Variants in CSMD1 observed in about 807,000 individuals in gnomAD.
The protein encoded by CSMD1 is CUB and sushi domain-containing protein 1.
A neutral mutation model predicts 417.5 loss-of-function variants in CSMD1; 213 were observed. The observed-to-expected ratio is 0.51, with a 90% CI of 0.46 to 0.57. The LOEUF (loss-of-function observed/expected upper bound fraction) is 0.57. CSMD1 is among the 20% of genes least tolerant of loss of function. The probability of loss-of-function intolerance (pLI) is 0.00; values close to 1 mark genes in which losing one functional copy is unlikely to be tolerated. For synonymous variants in CSMD1, 2,862 were observed against 1,736.8 expected, an observed-to-expected ratio of 1.65 and a Z score of -16.11; for missense variants, 6,923 against 4,529.7, an observed-to-expected ratio of 1.53 and a Z score of -15.17.
intron 1 of CSMD1, among the ~76,000 whole-genome samples, chr8:4,841,205 G>A (rs1047601902): frequency 1.3e-5 from 2 of 152,218 alleles, no homozygotes; most frequent in East Asian, 1.9e-4. Context: ...TATACATTAT[G>A]TTGATATATC....
At chr8:3,527,220 A>G (rs748178403) in intron 10 of CSMD1, among the ~76,000 whole-genome samples, 11 of 152,178 alleles carry the variant, frequency 7.2e-5, no homozygotes, top group Admixed American at 2.0e-4. Flanking sequence ...CACTACTCAG[A>G]ACCAAATGTT....
chr8:3,450,965 C>T (rs540770619), intron 12 of CSMD1, among the ~76,000 whole-genome samples: 146 of 152,262 alleles, frequency 9.6e-4, no homozygotes, highest in African/African-American at 3.4e-3. Flanking sequence ...ACCACATCCT[C>T]TCCAGCACCT....
At chr8:4,273,681 C>T (rs1397593665) in intron 3 of CSMD1, among the ~76,000 whole-genome samples, 1 of 152,014 alleles carries the variant, frequency 6.6e-6, no homozygotes, top group African/African-American at 2.4e-5. Context: ...AGTTTATAAC[C>T]TGGATATGGT....
chr8:3,288,079 G>A (rs1165337205), intron 25 of CSMD1, among the ~76,000 whole-genome samples: 2 of 147,240 alleles, frequency 1.4e-5, no homozygotes, highest in South Asian at 2.1e-4. Flanking sequence ...TTTTGTCTTT[G>A]GTTCTGTTTA....
At chr8:3,838,482 C>T (rs1288934936) in intron 5 of CSMD1, among the ~76,000 whole-genome samples, 1 of 132,660 alleles carries the variant, frequency 7.5e-6, no homozygotes, top group Non-Finnish European at 1.6e-5. Context: ...TTATATATAG[C>T]CTATAGATAT....
chr8:3,391,733 G>A (rs544403371), intron 17 of CSMD1, among the ~76,000 whole-genome samples: 16 of 152,254 alleles, frequency 1.1e-4, no homozygotes, highest in African/African-American at 3.1e-4. Context: ...TTGTAGCACC[G>A]CTGCAAATAT....
intron 2 of CSMD1, among the ~76,000 whole-genome samples, chr8:4,463,115 G>C (rs1377162175): frequency 2.0e-5 from 3 of 152,132 alleles, no homozygotes; most frequent in Non-Finnish European, 4.4e-5. Flanking sequence ...AAATTACCAA[G>C]TATGGGCACA....
chr8:3,752,734 G>C (rs1226813114), intron 6 of CSMD1, among the ~76,000 whole-genome samples: 1 of 148,432 alleles, frequency 6.7e-6, no homozygotes, highest in African/African-American at 2.5e-5. Flanking sequence ...TTTGCCCCTG[G>C]ATTCTGAGGC....
chr8:4,105,155 A>G (rs1485088634), intron 3 of CSMD1, among the ~76,000 whole-genome samples: 1 of 152,198 alleles, frequency 6.6e-6, no homozygotes, highest in Admixed American at 6.5e-5. Flanking sequence ...GTACAACTGA[A>G]AATTAGATAT....
chr8:3,818,806 C>A (rs115593160), intron 5 of CSMD1, among the ~76,000 whole-genome samples: 2 of 152,176 alleles, frequency 1.3e-5, no homozygotes. Context: ...GTCCCTCTTT[C>A]CCTTTGAGTC....
rs546324512 is a variant in CSMD1 at position 3,266,773 on chromosome 8, T to C, written c.4153+17371A>G. On this transcript the variant is annotated intron_variant, in intron 26 of 69. Transcript: ENST00000635120. ...CTGGGCGAAAGAGTGAGACACTGTC[T>C]TAAAAAAAATCAAAAAAAAAAAAAA... is the stretch of plus-strand genomic sequence containing the variant. Among the ~76,000 whole-genome samples, 4 of 115,662 alleles carry C rather than the reference T, an allele frequency of 3.5e-5. No homozygotes were observed. The South Asian group carries it at 1.2e-3, about 36-fold the overall frequency. 75.9% of individuals were successfully genotyped at this position (115,662 alleles called of 152,430 possible).
chr8:4,026,614 T>A (rs1403263909), intron 4 of CSMD1, among the ~76,000 whole-genome samples: 2 of 152,234 alleles, frequency 1.3e-5, no homozygotes, highest in Admixed American at 1.3e-4. Flanking sequence ...ACAGTTTTAA[T>A]GGTGGTATCT....
At position 4,904,094 on chromosome 8, in the gene CSMD1, G is replaced by A. The variant is rs191568549; in HGVS notation, c.85+90238C>T. Among the ~76,000 whole-genome samples, 384 of 152,202 alleles carry A rather than the reference G, an allele frequency of 2.5e-3. 2 individuals carry two copies. The highest frequency in any genetic ancestry group is 4.0e-3 in the Non-Finnish European group (269 of 68,016). On this transcript the variant is annotated intron_variant, in intron 1 of 69. Coordinates refer to ENST00000635120, the MANE Select transcript of CSMD1 (RefSeq NM_033225.6). ...CTTACCATGGAAAAGAACCAGGATA[G>A]GATAGGCTCGAATTCCAATGTATGT...
At chr8:4,058,346 G>A (rs893945969) in intron 3 of CSMD1, among the ~76,000 whole-genome samples, 5 of 152,002 alleles carry the variant, frequency 3.3e-5, no homozygotes, top group Admixed American at 3.3e-4. Flanking sequence ...GCCTGTTATT[G>A]GTATATAAGA....
At chr8:4,453,197 CCACACAGACACA>C (rs2129848672) in intron 2 of CSMD1, among the ~76,000 whole-genome samples, 1 of 133,906 alleles carries the variant, frequency 7.5e-6, no homozygotes, top group South Asian at 2.6e-4. Flanking sequence ...ACAGACACAC[CCACACAGACACA>C]CACAGAGACA....
rs1482567107 is a variant in CSMD1 at position 4,266,666 on chromosome 8, A to T, written c.415+153287T>A. Among the ~76,000 whole-genome samples the T allele has an allele frequency of 5.7e-5, 6 of 105,058 alleles. 1 individual carries two copies. Among genetic ancestry groups the T allele is most frequent in the African/African-American group, 1.6e-4 (6 of 38,516 alleles). 68.9% of individuals were successfully genotyped at this position (105,058 alleles called of 152,430 possible). A position where few individuals can be genotyped will look rare whatever the true frequency, so the allele number is the denominator to read the frequency against. ...ATTTGTCATCTATGAACATTGATAT[A>T]ACTTGAAAAATACATTATCAAAGAA... On this transcript the variant is annotated intron_variant, in intron 3 of 69. Coordinates refer to ENST00000635120, the MANE Select transcript of CSMD1 (RefSeq NM_033225.6).
chr8:3,533,273 A>G (rs1342482989), intron 10 of CSMD1, among the ~76,000 whole-genome samples: 1 of 152,222 alleles, frequency 6.6e-6, no homozygotes, highest in East Asian at 1.9e-4. Flanking sequence ...TCTACCTCTT[A>G]CAAATGTTTA....
chr8:3,226,954 C>A (rs1798541195), intron 27 of CSMD1, among the ~76,000 whole-genome samples: 1 of 151,950 alleles, frequency 6.6e-6, no homozygotes, highest in South Asian at 2.1e-4. Context: ...AAAGTTCGAC[C>A]TTATTATTAA....
Position 3,796,415 on chromosome 8 carries a change from C to CATGTATAGATATAGATATA in CSMD1, c.819-42374_819-42373insTATATCTATATCTATACAT, listed in dbSNP as rs1178858394. On this transcript the variant is annotated intron_variant, in intron 5 of 69. Coordinates refer to ENST00000635120, the MANE Select transcript of CSMD1 (RefSeq NM_033225.6). ...ATCATGTATAGATATAGATATATAT[C>CATGTATAGATATAGATATA]TATCATGTATAGATATATATATCTA... Among the ~76,000 whole-genome samples the CATGTATAGATATAGATATA allele has an allele frequency of 3.5e-5, 2 of 56,566 alleles. 1 individual carries two copies. The highest frequency in any genetic ancestry group is 8.2e-5 in the Non-Finnish European group (2 of 24,274). 37.1% of individuals were successfully genotyped at this position (56,566 alleles called of 152,430 possible).
Sources: gnomAD v4.1 joint callset for allele counts (sites outside exome capture counted in the v4.1 genomes callset) on GRCh38, gnomAD v4.1.1 for gene constraint, MANE v1.5 for transcripts, NCBI Gene and HGNC (gene_info 2026-07-23, HGNC 2026-07-21) for gene names.